Variants in HSD17B2 observed in about 807,000 individuals in gnomAD.
The protein encoded by HSD17B2 is 17-beta-hydroxysteroid dehydrogenase type 2.
Under a neutral mutation model 26.9 loss-of-function variants are expected in HSD17B2, and 32 were observed. The ratio of observed to expected loss-of-function variants is 1.19; its 90% confidence interval spans 0.90 to 1.60. The LOEUF is 1.60. HSD17B2 is among the 40% of genes most tolerant of loss of function. The probability of loss-of-function intolerance (pLI) is 0.00; values close to 1 mark genes in which losing one functional copy is unlikely to be tolerated. For missense variants in HSD17B2, 613 were observed against 468.6 expected, an observed-to-expected ratio of 1.31 and a Z score of -2.85; for synonymous variants, 246 against 186.7, an observed-to-expected ratio of 1.32 and a Z score of -2.59.
chr16:82,073,166 T>C (rs1183052577), intron 3 of HSD17B2, among the ~76,000 whole-genome samples: 3 of 152,202 alleles, frequency 2.0e-5, no homozygotes, highest in South Asian at 2.1e-4. Flanking sequence ...TGTATTTTCA[T>C]TGAAGGGAAA....
chr16:82,082,990 T>C (rs1904423323), intron 3 of HSD17B2, among the ~76,000 whole-genome samples: 1 of 152,172 alleles, frequency 6.6e-6, no homozygotes, highest in African/African-American at 2.4e-5. Context: ...AGTGTAAACA[T>C]ATGTTACCAC....
chr16:82,077,948 A>T lies in HSD17B2; in HGVS notation c.664+6821A>T, dbSNP rs1399281392. Among the ~76,000 whole-genome samples the T allele has an allele frequency of 2.0e-5, 3 of 152,346 alleles. No individual in the cohort carries two copies. In the East Asian group the frequency reaches 5.8e-4, roughly 29 times the overall value. The stretch of plus-strand genomic sequence containing the variant: ...CCTCAAACTGTGAAACTATTGTACT[A>T]TAAGAAAACATTAGGGAAACTCTCC... On this transcript the variant is annotated intron_variant, in intron 3 of 4. Coordinates refer to ENST00000199936, the MANE Select transcript of HSD17B2 (RefSeq NM_002153.3).
chr16:82,042,306 C>G (rs115446650), intron 1 of HSD17B2, among the ~76,000 whole-genome samples: 2 of 151,948 alleles, frequency 1.3e-5, no homozygotes, highest in African/African-American at 2.4e-5. Flanking sequence ...CGCCCAGCCT[C>G]CCACAGTGCT....
chr16:82,092,659 G>A (rs755865990), intron 4 of HSD17B2: 1 of 152,302 alleles, frequency 6.6e-6, no homozygotes, highest in African/African-American at 2.4e-5. Context: ...GGCAGGACCA[G>A]GGCGATAGAA....
At chr16:82,094,771 C>G (rs1010750247) in intron 4 of HSD17B2, 1 of 152,140 alleles carries the variant, frequency 6.6e-6, no homozygotes, top group Non-Finnish European at 1.5e-5. Flanking sequence ...ATAAAGATAG[C>G]TAAATCATAC....
chr16:82,094,279 A>T (rs963366611), intron 4 of HSD17B2: 7 of 152,224 alleles, frequency 4.6e-5, no homozygotes, highest in African/African-American at 1.4e-4. Flanking sequence ...GAATGACTAG[A>T]TCATAGAGTT....
At chr16:82,053,757 T>C (rs1172193408) in intron 1 of HSD17B2, among the ~76,000 whole-genome samples, 2 of 152,192 alleles carry the variant, frequency 1.3e-5, no homozygotes, top group Non-Finnish European at 2.9e-5. Flanking sequence ...TGTGTGCTGC[T>C]GTCCATGGAA....
At chr16:82,050,129 T>C (rs1298793385) in intron 1 of HSD17B2, among the ~76,000 whole-genome samples, 1 of 152,214 alleles carries the variant, frequency 6.6e-6, no homozygotes, top group Non-Finnish European at 1.5e-5. Context: ...GTATAAACAA[T>C]TTCTCTCTCC....
chr16:82,070,986 A>G lies in HSD17B2; in HGVS notation c.523A>G (p.Thr175Ala), dbSNP rs774022930. Residue 175 changes from threonine (T) to alanine (A), a missense_variant, in exon 3 of 5, where the codon ACT (threonine) becomes GCT (alanine). By Grantham distance (58) the Thr-to-Ala change is moderately conservative. Coordinates refer to ENST00000199936, the MANE Select transcript of HSD17B2 (RefSeq NM_002153.3). ...INNAGVLGFP[T>A]DGELLLMTDY... is the part of the protein sequence containing the mutation. ...CAATGCTGGGGTGCTTGGCTTTCCA[A>G]CTGATGGGGAGCTTCTTCTTATGAC... is the stretch of plus-strand genomic sequence containing the variant. The G allele has an allele frequency of 7.4e-6, 12 of 1,614,178 alleles. No individual in the cohort carries two copies. In the Admixed American group the frequency reaches 1.3e-4, roughly 18 times the overall value.
chr16:82,072,998 C>A (rs1351729587), intron 3 of HSD17B2, among the ~76,000 whole-genome samples: 1 of 152,178 alleles, frequency 6.6e-6, no homozygotes, highest in Admixed American at 6.5e-5. Flanking sequence ...GAGGTTAAGA[C>A]TGCAGTAAGC....
intron 3 of HSD17B2, among the ~76,000 whole-genome samples, chr16:82,088,285 G>C (rs1904585401): frequency 6.6e-6 from 1 of 152,138 alleles, no homozygotes; most frequent in South Asian, 2.1e-4. Flanking sequence ...ATATTATTTT[G>C]AAAAGCCTGA....
chr16:82,062,032 A>G (rs906359517), intron 1 of HSD17B2, among the ~76,000 whole-genome samples: 4 of 152,206 alleles, frequency 2.6e-5, no homozygotes, highest in African/African-American at 9.6e-5. Context: ...GACTTGAACC[A>G]ACAAATGATG....
intron 1 of HSD17B2, among the ~76,000 whole-genome samples, chr16:82,051,535 A>G (rs936720008): frequency 6.6e-6 from 1 of 151,684 alleles, no homozygotes; most frequent in African/African-American, 2.4e-5. Flanking sequence ...AGGGACACAG[A>G]GAGAGTAACA....
intron 3 of HSD17B2, among the ~76,000 whole-genome samples, chr16:82,085,981 G>A (rs1475778284): frequency 3.3e-5 from 5 of 151,970 alleles, no homozygotes; most frequent in African/African-American, 1.2e-4. Flanking sequence ...AAAAACACAT[G>A]TTGGTGAGAA....
At chr16:82,068,414 C>T (rs1165376212) in intron 2 of HSD17B2, 32 bp downstream of exon 2, 8 of 1,556,322 alleles carry the variant, frequency 5.1e-6, no homozygotes, top group African/African-American at 2.7e-5. Context: ...GTGCCTTTAC[C>T]CTCCTCCTGA....
At position 82,035,431 on chromosome 16, in the gene HSD17B2, A is replaced by G; in HGVS notation, c.7A>G (p.Thr3Ala). MS[T>A]FFSDTAWICL... is the part of the protein sequence containing the mutation. ...GTGCAGCAAGTCACTGAGAATGAGC[A>G]CTTTCTTCTCGGACACAGCATGGAT... The change falls in exon 1 of 5, where the codon ACT (threonine) becomes GCT (alanine). Residue 3 changes from threonine (T) to alanine (A), a missense_variant. Coordinates refer to ENST00000199936, the MANE Select transcript of HSD17B2 (RefSeq NM_002153.3). The G allele has an allele frequency of 1.9e-6, 3 of 1,610,544 alleles. No homozygotes were observed. Among genetic ancestry groups the G allele is most frequent in the Non-Finnish European group, 2.5e-6 (3 of 1,177,740 alleles).
At chr16:82,091,393 CTG>C in intron 4 of HSD17B2, 1 of 319,034 alleles carries the variant, frequency 3.1e-6, no homozygotes. Context: ...AGTCCAGATT[CTG>C]TCTTCCCACA....
intron 1 of HSD17B2, among the ~76,000 whole-genome samples, chr16:82,067,053 G>T (rs555884763): frequency 6.6e-6 from 1 of 152,332 alleles, no homozygotes; most frequent in Admixed American, 6.5e-5. Flanking sequence ...TATCAATAGT[G>T]TATGTGAACA....
chr16:82,065,498 T>C (rs2143971865), intron 1 of HSD17B2, among the ~76,000 whole-genome samples: 1 of 152,288 alleles, frequency 6.6e-6, no homozygotes, highest in South Asian at 2.1e-4. Context: ...CCCATATATC[T>C]AGCTGTGCCA....
Sources: allele counts gnomAD v4.1 joint callset (sites outside exome capture counted in the v4.1 genomes callset), GRCh38; gene constraint gnomAD v4.1.1; transcripts MANE v1.5; gene names NCBI Gene and HGNC (gene_info 2026-07-23, HGNC 2026-07-21).